PTPRD: variants seen among roughly 807,000 people sequenced by gnomAD.
The protein encoded by PTPRD is receptor-type tyrosine-protein phosphatase delta.
Under a neutral mutation model 214.5 loss-of-function variants are expected in PTPRD, and 34 were observed. The observed-to-expected ratio is 0.16, with a 90% confidence interval of 0.12 to 0.21. The LOEUF (loss-of-function observed/expected upper bound fraction) is 0.21, where lower values mean the gene tolerates loss of function less well. Among genes scored for constraint, PTPRD ranks in the 10% least tolerant of loss-of-function variants. The pLI is 1.00. For missense variants in PTPRD, 2,545 were observed against 2,398.7 expected, an observed-to-expected ratio of 1.06 and a Z score of -1.27; for synonymous variants, 1,128 against 845.7, an observed-to-expected ratio of 1.33 and a Z score of -5.79.
intron 11 of PTPRD, among the ~76,000 whole-genome samples, chr9:8,822,699 T>C (rs2097095705): frequency 6.6e-6 from 1 of 152,150 alleles, no homozygotes; most frequent in Non-Finnish European, 1.5e-5. Flanking sequence ...ATTATTTTTA[T>C]ACCCAAATTA....
At chr9:9,993,353 T>A (rs2096013956) in intron 4 of PTPRD, among the ~76,000 whole-genome samples, 1 of 152,210 alleles carries the variant, frequency 6.6e-6, no homozygotes, top group African/African-American at 2.4e-5. Flanking sequence ...CGTACAAGAA[T>A]GTTCAAGGTC....
intron 6 of PTPRD, among the ~76,000 whole-genome samples, chr9:9,759,168 A>C (rs2098625273): frequency 6.6e-6 from 1 of 152,154 alleles, no homozygotes; most frequent in African/African-American, 2.4e-5. Context: ...TTTCACAGTA[A>C]ATCTATTCCT....
At chr9:9,149,092 C>T (rs551483618) in intron 10 of PTPRD, among the ~76,000 whole-genome samples, 6 of 152,240 alleles carry the variant, frequency 3.9e-5, no homozygotes, top group South Asian at 2.1e-4. Context: ...GTTCAGCTTC[C>T]GCAGTCTGAC....
At chr9:9,185,671 C>A (rs1464602026) in intron 9 of PTPRD, among the ~76,000 whole-genome samples, 1 of 152,052 alleles carries the variant, frequency 6.6e-6, no homozygotes, top group South Asian at 2.1e-4. Context: ...TCCTCAGGCT[C>A]TATTCCATTA....
At chr9:8,608,908 G>C (rs2095340757) in intron 14 of PTPRD, among the ~76,000 whole-genome samples, 1 of 152,122 alleles carries the variant, frequency 6.6e-6, no homozygotes, top group Non-Finnish European at 1.5e-5. Context: ...CACAAGTCAA[G>C]TGGTTGAGGC....
intron 2 of PTPRD, among the ~76,000 whole-genome samples, chr9:10,414,151 C>G (rs1244627690): frequency 6.6e-6 from 1 of 151,924 alleles, no homozygotes; most frequent in African/African-American, 2.4e-5. Context: ...AAGCAACTAT[C>G]AGCAGAGTAA....
intron 11 of PTPRD, among the ~76,000 whole-genome samples, chr9:9,006,148 T>A (rs1567543499): frequency 6.6e-6 from 1 of 152,002 alleles, no homozygotes; most frequent in Non-Finnish European, 1.5e-5. Context: ...CACTTTTGTG[T>A]CTGAAGCACA....
chr9:10,342,883 C>A (rs1171241848), intron 2 of PTPRD, among the ~76,000 whole-genome samples: 2 of 151,988 alleles, frequency 1.3e-5, no homozygotes, highest in African/African-American at 2.4e-5. Context: ...TTTGAATGAA[C>A]AAACTAAAAA....
At chr9:9,525,472 G>A (rs1217230621) in intron 8 of PTPRD, among the ~76,000 whole-genome samples, 2 of 151,970 alleles carry the variant, frequency 1.3e-5, no homozygotes, top group Admixed American at 6.5e-5. Flanking sequence ...GAGTTAGAGG[G>A]ATGTTTCACA....
chr9:8,852,429 T>C (rs1297930660), intron 11 of PTPRD, among the ~76,000 whole-genome samples: 1 of 152,214 alleles, frequency 6.6e-6, no homozygotes, highest in South Asian at 2.1e-4. Context: ...GTCAATGAAT[T>C]CAAAGAACTA....
Position 10,039,809 on chromosome 9 carries a change from CA to C in PTPRD, c.-544-6020del, listed in dbSNP as rs2097262801. 3.9e-5 allele frequency among the ~76,000 whole-genome samples: 6 copies of C among 151,954 alleles called. No homozygotes were observed. In the South Asian group the frequency reaches 1.0e-3, roughly 26 times the overall value. ...ACTGCTTTGGTATCATCATGTGAAT[CA>C]TAGAGAGGACAAAATTTAAAGATGA... is the stretch of plus-strand genomic sequence containing the variant. On this transcript the variant is annotated intron_variant, in intron 3 of 45. Transcript: ENST00000381196.
chr9:10,597,232 C>G (rs563169358), intron 2 of PTPRD, among the ~76,000 whole-genome samples: 1 of 151,772 alleles, frequency 6.6e-6, no homozygotes, highest in East Asian at 1.9e-4. Flanking sequence ...AAATATGTTA[C>G]TTGGTACCAA....
At chr9:9,596,313 G>A (rs993558746) in intron 7 of PTPRD, among the ~76,000 whole-genome samples, 17 of 151,832 alleles carry the variant, frequency 1.1e-4, no homozygotes. Context: ...TTCTTTATGT[G>A]TATTAAACAT....
intron 3 of PTPRD, among the ~76,000 whole-genome samples, chr9:10,327,783 A>G (rs187397851): frequency 8.0e-4 from 122 of 151,838 alleles, no homozygotes; most frequent in Admixed American, 5.1e-3. Context: ...ACATCAGGAC[A>G]AGAATTTCTA....
At chr9:9,372,362 A>T (rs917231628) in intron 9 of PTPRD, among the ~76,000 whole-genome samples, 50 of 152,162 alleles carry the variant, frequency 3.3e-4, no homozygotes, top group African/African-American at 1.1e-3. Flanking sequence ...CTTTACAATT[A>T]TGTAATGGCC....
chr9:9,756,989 T>C (rs930086358), intron 6 of PTPRD, among the ~76,000 whole-genome samples: 5 of 152,212 alleles, frequency 3.3e-5, no homozygotes, highest in African/African-American at 9.6e-5. Context: ...ATGTGTTTCA[T>C]AAAATACTTT....
intron 33 of PTPRD, 40 bp from the exon 34 acceptor site, chr9:8,449,877 T>A (rs537481064): frequency 1.3e-6 from 2 of 1,591,964 alleles, no homozygotes; most frequent in East Asian, 4.5e-5. Flanking sequence ...AAAAGAAAAA[T>A]CAATTGAAAC....
At chr9:9,543,978 C>T (rs1157253502) in intron 8 of PTPRD, among the ~76,000 whole-genome samples, 1 of 151,522 alleles carries the variant, frequency 6.6e-6, no homozygotes, top group Non-Finnish European at 1.5e-5. Flanking sequence ...AGATTAGAAT[C>T]CCTCCACCTT....
chr9:9,214,683 A>G (rs1437192680), intron 9 of PTPRD, among the ~76,000 whole-genome samples: 1 of 152,142 alleles, frequency 6.6e-6, no homozygotes. Context: ...TAAAAACGCC[A>G]ATATTTTTAT....
Sources: allele counts gnomAD v4.1 joint callset (sites outside exome capture counted in the v4.1 genomes callset), GRCh38; gene constraint gnomAD v4.1.1; transcripts MANE v1.5; gene names NCBI Gene and HGNC (gene_info 2026-07-23, HGNC 2026-07-21).